Variants in EPB41L2 observed in about 807,000 individuals in gnomAD.
EPB41L2 encodes the protein erythrocyte membrane protein band 4.1 like 2, also known as band 4.1-like protein 2.
Under a neutral mutation model 113.0 loss-of-function variants are expected in EPB41L2, and 43 were observed. The observed-to-expected ratio is 0.38, with a 90% CI of 0.30 to 0.49. The LOEUF (loss-of-function observed/expected upper bound fraction) is 0.49. Among genes scored for constraint, EPB41L2 ranks in the 20% least tolerant of loss-of-function variants. The probability of loss-of-function intolerance (pLI) is 0.95; values close to 1 mark genes in which losing one functional copy is unlikely to be tolerated. For synonymous variants in EPB41L2, 442 were observed against 436.7 expected (o/e 1.01, Z -0.15); for missense variants, 1,147 against 1,223.4 (o/e 0.94, Z 0.93).
intron 6 of EPB41L2, among the ~76,000 whole-genome samples, chr6:130,902,342 T>C (rs568802240): frequency 6.6e-6 from 1 of 152,286 alleles, no homozygotes; most frequent in East Asian, 1.9e-4. Context: ...ACCCAGCACA[T>C]GGGGCCAGGT....
intron 1 of EPB41L2, among the ~76,000 whole-genome samples, chr6:130,964,744 C>T (rs937306689): frequency 1.3e-5 from 2 of 152,118 alleles, no homozygotes; most frequent in Admixed American, 1.3e-4. Flanking sequence ...AAACACTGCT[C>T]TAGAAACATG....
intron 19 of EPB41L2, among the ~76,000 whole-genome samples, chr6:130,845,781 A>C (rs1412261892): frequency 1.3e-5 from 2 of 152,216 alleles, no homozygotes; most frequent in Non-Finnish European, 2.9e-5. Flanking sequence ...TAATTTTCCT[A>C]CATCTCAAGC....
At chr6:130,994,059 A>T (rs1782513281) in intron 1 of EPB41L2, among the ~76,000 whole-genome samples, 1 of 152,218 alleles carries the variant, frequency 6.6e-6, no homozygotes, top group South Asian at 2.1e-4. Context: ...TGGTACACAC[A>T]TTCACAAATC....
chr6:131,013,916 G>A (rs755280109), intron 1 of EPB41L2, among the ~76,000 whole-genome samples: 4 of 152,144 alleles, frequency 2.6e-5, no homozygotes, highest in East Asian at 3.9e-4. Flanking sequence ...TAGGACATTC[G>A]GAATCACAGC....
chr6:130,931,904 T>C (rs2128563406), intron 3 of EPB41L2, among the ~76,000 whole-genome samples: 1 of 152,302 alleles, frequency 6.6e-6, no homozygotes, highest in East Asian at 1.9e-4. Context: ...AGCCCTACTC[T>C]TAACAGCTCT....
chr6:130,977,702 C>G (rs1375166799), intron 1 of EPB41L2, among the ~76,000 whole-genome samples: 1 of 152,140 alleles, frequency 6.6e-6, no homozygotes, highest in Non-Finnish European at 1.5e-5. Context: ...TCTTCTTAAC[C>G]TTAAGGAACA....
At chr6:130,852,287 C>T (rs1402639052) in intron 19 of EPB41L2, among the ~76,000 whole-genome samples, 1 of 152,178 alleles carries the variant, frequency 6.6e-6, no homozygotes, top group African/African-American at 2.4e-5. Context: ...AATCTGCTAT[C>T]CTATGCTCCC....
chr6:130,866,539 A>G (rs1409649523), intron 16 of EPB41L2, among the ~76,000 whole-genome samples: 1 of 152,218 alleles, frequency 6.6e-6, no homozygotes. Context: ...AGCTGTTCAT[A>G]AGAAACCTAT....
chr6:130,979,762 AG>A (rs1778974907), intron 1 of EPB41L2, among the ~76,000 whole-genome samples: 1 of 152,202 alleles, frequency 6.6e-6, no homozygotes, highest in Non-Finnish European at 1.5e-5. Flanking sequence ...AGGAAGGAAA[AG>A]CTTCCACTTT....
At chr6:130,949,704 C>G (rs1284345737) in intron 3 of EPB41L2, among the ~76,000 whole-genome samples, 1 of 151,952 alleles carries the variant, frequency 6.6e-6, no homozygotes, top group Non-Finnish European at 1.5e-5. Context: ...ATAGTTGACT[C>G]TTGAACAACA....
In EPB41L2 at chr6:131,051,497, T is replaced by C. The variant is rs138383502; in HGVS notation, c.-15+11658A>G. On this transcript the variant is annotated intron_variant, in intron 1 of 19. Transcript: ENST00000337057. ...ACACACACACACACAACAGCAACAA[T>C]GGGAGGGGTCAGGCCAGCAGATATG... is the stretch of plus-strand genomic sequence containing the variant. Among the ~76,000 whole-genome samples the C allele has an allele frequency of 4.5e-3, 521 of 115,348 alleles. 2 individuals carry two copies. Among genetic ancestry groups the C allele is most frequent in the African/African-American group, 0.018 (504 of 28,770 alleles). 75.7% of individuals were successfully genotyped at this position (115,348 alleles called of 152,430 possible).
In EPB41L2 at chr6:130,863,040, T is replaced by C. The variant is rs531689122; in HGVS notation, c.2910+598A>G. Among the ~76,000 whole-genome samples, 2 of 152,310 alleles carry C rather than the reference T, an allele frequency of 1.3e-5. 1 individual carries two copies. The highest frequency in any genetic ancestry group is 3.9e-4 in the East Asian group (2 of 5,182). On this transcript the variant is annotated intron_variant, in intron 18 of 19. Transcript: ENST00000337057. The stretch of plus-strand genomic sequence containing the variant: ...AACTGCTCTCAAAGTCTCCAGCAGT[T>C]CCATTCATCACCTGCTCAAAGCCAT...
chr6:130,880,264 C>T, intron 12 of EPB41L2, 58 bp from the exon 13 acceptor site: 2 of 1,213,696 alleles, frequency 1.6e-6, no homozygotes, highest in Non-Finnish European at 2.4e-6. Context: ...GTGTATCAAT[C>T]AGCAAGCACC....
chr6:131,021,724 C>G (rs1394005857), intron 1 of EPB41L2, among the ~76,000 whole-genome samples: 3 of 152,008 alleles, frequency 2.0e-5, no homozygotes, highest in African/African-American at 7.2e-5. Context: ...TCCCATGCAC[C>G]ATTCTGTTGT....
Position 130,865,641 on chromosome 6 carries a change from A to T in EPB41L2, c.2731-7T>A, listed in dbSNP as rs1783508336. On this transcript the variant is annotated splice_region_variant and splice_polypyrimidine_tract_variant and intron_variant, in intron 16 of 19. Transcript: ENST00000337057. ...CACCAGCCCCGCCATCAATCTTTGG[A>T]TAGTTGGGGGAAAAATACAAAGTAA... 6.2e-7 allele frequency: 1 copy of T among 1,613,818 alleles called. No homozygotes were observed. The highest frequency in any genetic ancestry group is 8.5e-7 in the Non-Finnish European group (1 of 1,179,922).
intron 1 of EPB41L2, among the ~76,000 whole-genome samples, chr6:130,968,989 A>T (rs550967230): frequency 6.6e-6 from 1 of 152,292 alleles, no homozygotes; most frequent in African/African-American, 2.4e-5. Flanking sequence ...AAGCAAAACC[A>T]ACGTCAAAGT....
At chr6:130,957,937 G>T (rs1225167916) in intron 1 of EPB41L2, among the ~76,000 whole-genome samples, 4 of 152,158 alleles carry the variant, frequency 2.6e-5, no homozygotes, top group Admixed American at 6.5e-5. Context: ...TACTTTAAAA[G>T]GGTGAATTTT....
intron 4 of EPB41L2, among the ~76,000 whole-genome samples, chr6:130,916,263 A>G (rs1054780683): frequency 2.6e-5 from 4 of 152,170 alleles, no homozygotes; most frequent in Admixed American, 1.3e-4. Context: ...AAATCTTTCT[A>G]TTAGTTAATT....
Position 130,993,304 on chromosome 6 carries a change from T to C in EPB41L2, c.-14-36805A>G, listed in dbSNP as rs532846205. On this transcript the variant is annotated intron_variant, in intron 1 of 19. Transcript: ENST00000337057. ...GGCTATAGATAAGAGAAATATGAAATGAGGCTTCCTTGTCCCAGGGAAATT... is the reference window on the plus strand; with the variant it reads ...GGCTATAGATAAGAGAAATATGAAACGAGGCTTCCTTGTCCCAGGGAAATT... Among the ~76,000 whole-genome samples, 38 of 152,220 alleles carry C rather than the reference T, an allele frequency of 2.5e-4. No homozygotes were observed. In the South Asian group the frequency reaches 7.7e-3, roughly 31 times the overall value.
Sources: gnomAD v4.1 joint callset for allele counts (sites outside exome capture counted in the v4.1 genomes callset) on GRCh38, gnomAD v4.1.1 for gene constraint, MANE v1.5 for transcripts, NCBI Gene and HGNC (gene_info 2026-07-23, HGNC 2026-07-21) for gene names.